The following ANPEP variants were observed in gnomAD, a reference collection of about 807,000 sequenced individuals.
ANPEP encodes the protein aminopeptidase N.
ANPEP carries 70 observed loss-of-function variants against 114.6 expected under a neutral mutation model. The observed-to-expected ratio is 0.61, with a 90% confidence interval of 0.50 to 0.75. ANPEP has a LOEUF of 0.75. Among genes scored for constraint, ANPEP ranks in the 30% least tolerant of loss-of-function variants. The pLI is 0.00. For missense variants in ANPEP, 1,184 were observed against 1,259.5 expected, an observed-to-expected ratio of 0.94 and a Z score of 0.91; for synonymous variants, 548 against 522.3, an observed-to-expected ratio of 1.05 and a Z score of -0.67.
Position 89,785,193 on chromosome 15 carries a change from T to C in ANPEP, c.*156A>G. On this transcript the variant is annotated 3_prime_UTR_variant, in exon 21 of 21. Coordinates refer to ENST00000300060, the MANE Select transcript of ANPEP (RefSeq NM_001150.3). Reference sequence around the variant, plus strand: ...CAGCCTGGGTCATCAGGAACTAGACTGGCTCACAGGCAGAGAGAACGTGGG... The same window carrying C: ...CAGCCTGGGTCATCAGGAACTAGACCGGCTCACAGGCAGAGAGAACGTGGG... 1 of 1,005,348 alleles carries C rather than the reference T, an allele frequency of 9.9e-7. No individual in the cohort carries two copies. Among genetic ancestry groups the C allele is most frequent in the Non-Finnish European group, 1.5e-6 (1 of 686,904 alleles). 62.3% of individuals were successfully genotyped at this position (1,005,348 alleles called of 1,614,324 possible).
chr15:89,807,341 G>A (rs1048973716), intron 1 of ANPEP, among the ~76,000 whole-genome samples: 4 of 152,168 alleles, frequency 2.6e-5, no homozygotes, highest in African/African-American at 9.7e-5. Context: ...AACAGTATTT[G>A]CCTCTCAGGT....
chr15:89,810,322 T>A (rs1371638261), intron 1 of ANPEP, among the ~76,000 whole-genome samples: 1 of 152,162 alleles, frequency 6.6e-6, no homozygotes, highest in Non-Finnish European at 1.5e-5. Flanking sequence ...GAGGTTGCAG[T>A]GAGCCGAGAT....
intron 20 of ANPEP, among the ~76,000 whole-genome samples, chr15:89,785,755 A>T (rs1049049288): frequency 1.3e-5 from 2 of 152,238 alleles, no homozygotes; most frequent in Non-Finnish European, 1.5e-5. Context: ...ATTTTATTAT[A>T]ATATCAATCC....
At chr15:89,804,680 G>T in intron 4 of ANPEP, 63 bp from the exon 5 acceptor site, 2 of 1,585,024 alleles carry the variant, frequency 1.3e-6, no homozygotes, top group South Asian at 2.3e-5. Flanking sequence ...AGGTGGGCTG[G>T]GTCCCAGGGC....
intron 1 of ANPEP, among the ~76,000 whole-genome samples, chr15:89,814,294 T>G (rs1411581479): frequency 6.6e-6 from 1 of 152,080 alleles, no homozygotes; most frequent in Non-Finnish European, 1.5e-5. Context: ...AGGAGCGAGA[T>G]CTAAGGTTAA....
chr15:89,806,665 G>C lies in ANPEP; in HGVS notation c.-82C>G. On this transcript the variant is annotated 5_prime_UTR_variant, in exon 2 of 21. Transcript: ENST00000300060. The surrounding 1 kb of genome is among the most constrained non-coding windows in gnomAD (Gnocchi z 5.7). ...CCCAGGCCGGGCTTATATCCCCAAA[G>C]GGGAGGAGCCCCACAACAGGCAGAC... is the stretch of plus-strand genomic sequence containing the variant. The C allele has an allele frequency of 6.9e-7, 1 of 1,457,216 alleles. No homozygotes were observed. The highest frequency in any genetic ancestry group is 1.5e-5 in the South Asian group (1 of 68,846). 90.3% of individuals were successfully genotyped at this position (1,457,216 alleles called of 1,614,324 possible). A position where few individuals can be genotyped will look rare whatever the true frequency, so the allele number is the denominator to read the frequency against.
chr15:89,791,429 C>G (rs1328177891), intron 18 of ANPEP, among the ~76,000 whole-genome samples: 1 of 151,636 alleles, frequency 6.6e-6, no homozygotes, highest in South Asian at 2.1e-4. Flanking sequence ...CTTTTCTTTT[C>G]TTTTCTTTTC....
intron 3 of ANPEP, 34 bp from the exon 4 acceptor site, chr15:89,805,251 C>T (rs749845036): frequency 2.5e-6 from 4 of 1,613,496 alleles, no homozygotes; most frequent in South Asian, 1.1e-5. Context: ...GAGGACGTAC[C>T]CTCCTGCCCC....
chr15:89,805,367 A>G lies in ANPEP; in HGVS notation c.711T>C (p.Leu237=), dbSNP rs560952780. The part of the protein sequence containing the change: ...PAMKAEFNIT[L]IHPKDLTALS... ...GGGCTGTCAGGTCCTTGGGGTGGAT[A>G]AGCGTGATGTTGAACTCGGCCTTCA... The change falls in exon 3 of 21, where the codon CTT becomes CTC. Residue 237 remains leucine, a synonymous_variant. Coordinates refer to ENST00000300060, the MANE Select transcript of ANPEP (RefSeq NM_001150.3). The G allele has an allele frequency of 6.2e-7, 1 of 1,614,122 alleles. No homozygotes were observed. The highest frequency in any genetic ancestry group is 8.5e-7 in the Non-Finnish European group (1 of 1,180,002).
intron 15 of ANPEP, among the ~76,000 whole-genome samples, chr15:89,794,524 G>C (rs1968692245): frequency 6.6e-6 from 1 of 151,914 alleles, no homozygotes; most frequent in African/African-American, 2.4e-5. Context: ...AAAAATTAAA[G>C]GGACAAGTCA....
intron 18 of ANPEP, 65 bp downstream of exon 18, chr15:89,792,095 G>A: frequency 1.9e-6 from 3 of 1,558,458 alleles, no homozygotes; most frequent in Non-Finnish European, 2.6e-6. Context: ...GAGGAGTGTG[G>A]AGGCCTGCCT....
Position 89,803,410 on chromosome 15 carries a change from C to T in ANPEP, c.1503+32G>A. Reference sequence around the variant, plus strand: ...AGGGCGAGGGGCAGAAGGAGACCCACCCTCATGGCTGGCCCAGGGTGCAGT... The same window carrying T: ...AGGGCGAGGGGCAGAAGGAGACCCATCCTCATGGCTGGCCCAGGGTGCAGT... On this transcript the variant is annotated intron_variant, in intron 9 of 20. Coordinates refer to ENST00000300060, the MANE Select transcript of ANPEP (RefSeq NM_001150.3). This position sits in a 1 kb window ranked among gnomAD's most constrained non-coding sequence, Gnocchi z 4.2. The T allele has an allele frequency of 6.2e-7, 1 of 1,611,598 alleles. No individual in the cohort carries two copies. Among genetic ancestry groups the T allele is most frequent in the Non-Finnish European group, 8.5e-7 (1 of 1,178,636 alleles).
chr15:89,813,620 T>G (rs1169911725), intron 1 of ANPEP, among the ~76,000 whole-genome samples: 1 of 152,112 alleles, frequency 6.6e-6, no homozygotes, highest in Non-Finnish European at 1.5e-5. Flanking sequence ...CCCTCTTCCC[T>G]GCCCAGCTCC....
In ANPEP at chr15:89,803,940, G is replaced by C. The variant is rs148757002; in HGVS notation, c.1242C>G (p.Ala414=). Reference sequence around the variant, plus strand: ...CAGCACCCAGGTACTCCACGTAGGAGGCGAAGCCCTCGTTCAGCCACAGGT... The same window carrying C: ...CAGCACCCAGGTACTCCACGTAGGACGCGAAGCCCTCGTTCAGCCACAGGT... ...WNDLWLNEGF[A]SYVEYLGADY... is the part of the protein sequence containing the mutation. The change falls in exon 7 of 21, where the codon GCC becomes GCG. Residue 414 remains alanine, a synonymous_variant. Coordinates refer to ENST00000300060, the MANE Select transcript of ANPEP (RefSeq NM_001150.3). This position sits in a 1 kb window ranked among gnomAD's most constrained non-coding sequence, Gnocchi z 4.2. 270 of 1,614,186 alleles carry C rather than the reference G, an allele frequency of 1.7e-4. No individual in the cohort carries two copies. In the African/African-American group the frequency reaches 3.0e-3, roughly 18 times the overall value.
At chr15:89,805,005 G>A in intron 4 of ANPEP, 73 bp downstream of exon 4, 3 of 1,598,270 alleles carry the variant, frequency 1.9e-6, no homozygotes, top group African/African-American at 1.3e-5. Flanking sequence ...ACTGGCACAG[G>A]GATGAAGAGA....
intron 20 of ANPEP, among the ~76,000 whole-genome samples, chr15:89,787,420 T>C (rs1335944133): frequency 1.3e-5 from 2 of 152,114 alleles, no homozygotes; most frequent in Non-Finnish European, 2.9e-5. Flanking sequence ...AAAATAGGTA[T>C]AAATCTTCAT....
chr15:89,786,588 G>A (rs1377724622), intron 20 of ANPEP, among the ~76,000 whole-genome samples: 3 of 151,936 alleles, frequency 2.0e-5, no homozygotes, highest in Non-Finnish European at 4.4e-5. Context: ...AACTACTCAG[G>A]AGGTTGAGGT....
At position 89,806,488 on chromosome 15, in the gene ANPEP, C is replaced by T. The variant is rs769665142; in HGVS notation, c.96G>A (p.Val32=). Residue 32 remains valine, a synonymous_variant, in exon 2 of 21, where the codon GTG becomes GTA. Coordinates refer to ENST00000300060, the MANE Select transcript of ANPEP (RefSeq NM_001150.3). The surrounding 1 kb of genome is among the most constrained non-coding windows in gnomAD (Gnocchi z 5.7). ...CGTTCTTGTTCTTCTCCTGGGAGTA[C>T]ACCACTGACAGTGCGATGATTGTGC... ...AVCTIIALSV[V]YSQEKNKNAN... is the part of the protein sequence containing the mutation. 10 of 1,613,956 alleles carry T rather than the reference C, an allele frequency of 6.2e-6. No homozygotes were observed. Among genetic ancestry groups the T allele is most frequent in the African/African-American group, 2.7e-5 (2 of 74,896 alleles).
intron 14 of ANPEP, among the ~76,000 whole-genome samples, chr15:89,798,284 C>A (rs955958593): frequency 2.0e-5 from 3 of 152,222 alleles, no homozygotes; most frequent in African/African-American, 7.2e-5. Flanking sequence ...CCCTCCTGCC[C>A]TGTCCAGCCC....
Sources: gnomAD v4.1 joint callset for allele counts (sites outside exome capture counted in the v4.1 genomes callset) on GRCh38, gnomAD v4.1.1 for gene constraint, Gnocchi (gnomAD v3.1) non-coding constraint, MANE v1.5 for transcripts, NCBI Gene and HGNC (gene_info 2026-07-23, HGNC 2026-07-21) for gene names.